Variants in GVQW3 observed in about 807,000 individuals in gnomAD.
GVQW3 encodes the protein protein GVQW3.
GVQW3 carries 7 observed loss-of-function variants against 12.5 expected under a neutral mutation model. That is an observed-to-expected ratio of 0.56 (90% CI 0.32 to 1.05). GVQW3 has a LOEUF of 1.05. Ranked by LOEUF, GVQW3 falls within the 50% of genes least tolerant of loss-of-function variation. GVQW3 has a pLI of 0.04. For synonymous variants in GVQW3, 71 were observed against 67.2 expected (o/e 1.06, Z -0.28); for missense variants, 188 against 190.8 (o/e 0.99, Z 0.09).
intron 1 of GVQW3, among the ~76,000 whole-genome samples, chr11:76,400,541 T>C (rs992577842): frequency 3.3e-5 from 5 of 151,996 alleles, no homozygotes; most frequent in Non-Finnish European, 5.9e-5. Flanking sequence ...TTGCCTCAGC[T>C]TTCCGAGTAG....
At chr11:76,389,235 A>G (rs1361636381) in intron 1 of GVQW3, among the ~76,000 whole-genome samples, 1 of 152,222 alleles carries the variant, frequency 6.6e-6, no homozygotes, top group Admixed American at 6.5e-5. Flanking sequence ...CCAAAAAATG[A>G]CTTTTAAAAA....
downstream of GVQW3, chr11:76,411,587 T>G (rs1464779833): frequency 6.6e-6 from 1 of 152,192 alleles, no homozygotes; most frequent in Non-Finnish European, 1.5e-5. Context: ...CAAGTATACT[T>G]CATCAAGGGT....
At chr11:76,382,614 T>C in intron 1 of GVQW3, 1 of 544,156 alleles carries the variant, frequency 1.8e-6, no homozygotes, top group Middle Eastern at 4.7e-4. Context: ...ACCATTTTCC[T>C]TGCTGTTCTC....
Position 76,404,070 on chromosome 11 carries a change from T to C in GVQW3, c.*312T>C, listed in dbSNP as rs1021968465. On this transcript the variant is annotated 3_prime_UTR_variant, in exon 2 of 2. Coordinates refer to ENST00000529331, the MANE Select transcript of GVQW3 (RefSeq NM_001347885.2). ...TTTTCCCATCTATCTCAGTACCCCA[T>C]GATCCAGTCAAGTGAACATATAAAA... 14 of 508,666 alleles carry C rather than the reference T, an allele frequency of 2.8e-5. No homozygotes were observed. Among genetic ancestry groups the C allele is most frequent in the Non-Finnish European group, 4.6e-5 (13 of 281,226 alleles). The allele number at this position is 508,666 out of a possible 1,614,324, so 31.5% of individuals were successfully genotyped here.
chr11:76,389,792 T>C (rs921802324), intron 1 of GVQW3: 7 of 152,236 alleles, frequency 4.6e-5, no homozygotes, highest in African/African-American at 1.7e-4. Flanking sequence ...TTCTTTAGTA[T>C]AGCAGTGGCT....
At chr11:76,401,141 A>G (rs769307730) in intron 1 of GVQW3, among the ~76,000 whole-genome samples, 19 of 151,850 alleles carry the variant, frequency 1.3e-4, no homozygotes, top group Non-Finnish European at 1.8e-4. Context: ...CCAAAGTGCT[A>G]TAATTACATG....
At position 76,405,677 on chromosome 11, in the gene GVQW3, G is replaced by C. The variant is rs1431267221; in HGVS notation, c.*1919G>C. ...GCTTGATGAAGAAAGAATAGGGAAG[G>C]AGATCAGATCAGTACTGTTGTCCAG... On this transcript the variant is annotated 3_prime_UTR_variant, in exon 2 of 2. Transcript: ENST00000529331. 6.6e-6 allele frequency: 1 copy of C among 152,408 alleles called. No homozygotes were observed. Among genetic ancestry groups the C allele is most frequent in the Non-Finnish European group, 1.5e-5 (1 of 68,206 alleles). 9.4% of individuals were successfully genotyped at this position (152,408 alleles called of 1,614,324 possible).
chr11:76,386,204 C>T (rs1281999565), intron 1 of GVQW3, among the ~76,000 whole-genome samples: 1 of 152,204 alleles, frequency 6.6e-6, no homozygotes, highest in Admixed American at 6.5e-5. Flanking sequence ...ATCATCCTAA[C>T]ACTGATTTTA....
At chr11:76,412,044 C>G (rs754719437), downstream of GVQW3, 1 of 152,222 alleles carries the variant, frequency 6.6e-6, no homozygotes, top group East Asian at 1.9e-4. Flanking sequence ...CCTAAAATCT[C>G]AACAGCTTTC....
chr11:76,389,219 A>G (rs970492539), intron 1 of GVQW3, among the ~76,000 whole-genome samples: 2 of 152,278 alleles, frequency 1.3e-5, no homozygotes, highest in African/African-American at 4.8e-5. Context: ...AATTGTATGT[A>G]TAAATCCAAA....
intron 1 of GVQW3, among the ~76,000 whole-genome samples, chr11:76,394,047 C>T (rs578096390): frequency 5.9e-5 from 9 of 152,196 alleles, no homozygotes; most frequent in South Asian, 2.1e-4. Context: ...TACAGGTGCA[C>T]GCCACCACAC....
At chr11:76,385,413 G>A (rs532821768) in intron 1 of GVQW3, among the ~76,000 whole-genome samples, 8 of 152,300 alleles carry the variant, frequency 5.3e-5, no homozygotes, top group Admixed American at 1.3e-4. Context: ...TCCTGGTCCC[G>A]TAGTCTCACA....
At chr11:76,394,057 C>A (rs1946917924) in intron 1 of GVQW3, among the ~76,000 whole-genome samples, 1 of 152,234 alleles carries the variant, frequency 6.6e-6, no homozygotes, top group Non-Finnish European at 1.5e-5. Flanking sequence ...CGCCACCACA[C>A]CTGGCCAATT....
chr11:76,404,644 G>A lies in GVQW3; in HGVS notation c.*886G>A, dbSNP rs1947022014. The A allele has an allele frequency of 6.6e-6, 1 of 152,324 alleles. No homozygotes were observed. The highest frequency in any genetic ancestry group is 1.5e-5 in the Non-Finnish European group (1 of 68,138). The allele number at this position is 152,324 out of a possible 1,614,324, so 9.4% of individuals were successfully genotyped here. Reference sequence around the variant, plus strand: ...CAGGCAGGAGGTGGGCAGTGAAGGGGAATACCAAGCATCCTGCACATCAGG... The same window carrying A: ...CAGGCAGGAGGTGGGCAGTGAAGGGAAATACCAAGCATCCTGCACATCAGG... On this transcript the variant is annotated 3_prime_UTR_variant, in exon 2 of 2. Transcript: ENST00000529331.
chr11:76,388,399 G>A (rs78867938), intron 1 of GVQW3, among the ~76,000 whole-genome samples: 359 of 152,184 alleles, frequency 2.4e-3, no homozygotes, highest in African/African-American at 8.4e-3. Context: ...GCTCTTTATT[G>A]TGTCACCTTT....
Position 76,381,833 on chromosome 11 carries a change from G to A in GVQW3, c.5G>A (p.Ser2Asn). 6.5e-7 allele frequency: 1 copy of A among 1,527,560 alleles called. No individual in the cohort carries two copies. Among genetic ancestry groups the A allele is most frequent in the African/African-American group, 1.4e-5 (1 of 72,814 alleles). The allele number at this position is 1,527,560 out of a possible 1,614,324, so 94.6% of individuals were successfully genotyped here. Residue 2 changes from serine (S) to asparagine (N), a missense_variant, in exon 1 of 2, where the codon AGT becomes AAT. Physicochemically the swap from Ser to Asn is conservative, Grantham distance 46. Coordinates refer to ENST00000529331, the MANE Select transcript of GVQW3 (RefSeq NM_001347885.2). M[S>N]DRYLEQRISI... ...CCTGTGTTGTTCAGTGCCAGAATGA[G>A]TGACCGCTATTTAGAACAAAGGATT...
downstream of GVQW3, among the ~76,000 whole-genome samples, chr11:76,410,703 G>T (rs1396240456): frequency 6.6e-6 from 1 of 152,206 alleles, no homozygotes; most frequent in Non-Finnish European, 1.5e-5. Context: ...AGCTGAGGAT[G>T]CTGTCTCTGT....
At chr11:76,411,059 T>C (rs1947076242), downstream of GVQW3, 1 of 152,270 alleles carries the variant, frequency 6.6e-6, no homozygotes, top group Non-Finnish European at 1.5e-5. Flanking sequence ...GCTCCTCTGA[T>C]GTGCTGCCTG....
rs147555926 is a variant in GVQW3 at position 76,392,894 on chromosome 11, C to A, written c.465+10601C>A. 1.2e-4 allele frequency: 18 copies of A among 152,338 alleles called. 1 individual carries two copies. In the East Asian group the frequency reaches 3.5e-3, roughly 29 times the overall value. The allele number at this position is 152,338 out of a possible 1,614,324, so 9.4% of individuals were successfully genotyped here. On this transcript the variant is annotated intron_variant, in intron 1 of 1. Transcript: ENST00000529331. ...TCTGGGCACATAAATCCTAATAAAA[C>A]TCTCAACTATCTCCTCTGTGCTGTC...
Sources: gnomAD v4.1 joint callset for allele counts (sites outside exome capture counted in the v4.1 genomes callset) on GRCh38, gnomAD v4.1.1 for gene constraint, MANE v1.5 for transcripts, NCBI Gene and HGNC (gene_info 2026-07-23, HGNC 2026-07-21) for gene names.